RCAN3: variants seen among roughly 807,000 people sequenced by gnomAD.
The protein encoded by RCAN3 is calcipressin-3.
In RCAN3, 19 loss-of-function variants were observed where a neutral mutation model predicts 21.9. The ratio of observed to expected loss-of-function variants is 0.87; its 90% CI spans 0.61 to 1.27. The LOEUF (loss-of-function observed/expected upper bound fraction) is 1.27. Among genes scored for constraint, RCAN3 ranks in the 50% most tolerant of loss-of-function variants. RCAN3 has a pLI of 0.00. For missense variants in RCAN3, 240 were observed against 300.1 expected (o/e 0.80, Z 1.48); for synonymous variants, 114 against 112.3 (o/e 1.01, Z -0.09).
chr1:24,505,063 G>A (rs75769373), intron 1 of RCAN3, among the ~76,000 whole-genome samples: 53 of 152,122 alleles, frequency 3.5e-4, no homozygotes, highest in Admixed American at 1.3e-3. Flanking sequence ...CTTTACTGTC[G>A]CACGAAATTT....
At chr1:24,529,555 T>G (rs1649576774) in intron 2 of RCAN3, among the ~76,000 whole-genome samples, 3 of 138,388 alleles carry the variant, frequency 2.2e-5, no homozygotes, top group Admixed American at 7.0e-5. Context: ...TCTCTCTTTT[T>G]TTTTTTTTTT....
intron 1 of RCAN3, among the ~76,000 whole-genome samples, chr1:24,512,284 G>A (rs1647952997): frequency 6.6e-6 from 1 of 151,926 alleles, no homozygotes; most frequent in Non-Finnish European, 1.5e-5. Flanking sequence ...GGGAGACGAA[G>A]GTTGCAGTGA....
At chr1:24,529,262 G>T (rs1159446207) in intron 2 of RCAN3, among the ~76,000 whole-genome samples, 1 of 151,440 alleles carries the variant, frequency 6.6e-6, no homozygotes, top group South Asian at 2.1e-4. Flanking sequence ...AATAAAATTA[G>T]CCAGGTGTGG....
chr1:24,513,632 G>C (rs1241730897), intron 1 of RCAN3, among the ~76,000 whole-genome samples: 1 of 152,164 alleles, frequency 6.6e-6, no homozygotes, highest in South Asian at 2.1e-4. Flanking sequence ...ACTCCAGCCT[G>C]GGCAACACAA....
chr1:24,511,292 G>A (rs776912012), intron 1 of RCAN3, among the ~76,000 whole-genome samples: 17 of 152,054 alleles, frequency 1.1e-4, no homozygotes, highest in African/African-American at 3.1e-4. Flanking sequence ...CAGCCTGGGC[G>A]ACAAAGCAAG....
chr1:24,530,841 C>G (rs1475775045), intron 2 of RCAN3, among the ~76,000 whole-genome samples: 1 of 152,126 alleles, frequency 6.6e-6, no homozygotes, highest in East Asian at 1.9e-4. Context: ...TGAAACCCAT[C>G]TCTACTAAAA....
intron 2 of RCAN3, among the ~76,000 whole-genome samples, chr1:24,515,216 G>A (rs1003599073): frequency 2.0e-5 from 3 of 152,022 alleles, no homozygotes; most frequent in South Asian, 2.1e-4. Context: ...ATCTTTAGCC[G>A]GGCTTCCTAT....
At chr1:24,503,823 T>C (rs1057178884) in intron 1 of RCAN3, among the ~76,000 whole-genome samples, 2 of 152,256 alleles carry the variant, frequency 1.3e-5, no homozygotes, top group Non-Finnish European at 2.9e-5. Context: ...TCGCTTCCAC[T>C]TGTTGGAAGC....
chr1:24,532,999 A>G lies in RCAN3; in HGVS notation c.370-84A>G, dbSNP rs575583688. 3 of 886,122 alleles carry G rather than the reference A, an allele frequency of 3.4e-6. No individual in the cohort carries two copies. The African/African-American group carries it at 5.3e-5, about 16-fold the overall frequency. The allele number at this position is 886,122 out of a possible 1,614,324, so 54.9% of individuals were successfully genotyped here. A position where few individuals can be genotyped will look rare whatever the true frequency, so the allele number is the denominator to read the frequency against. The stretch of plus-strand genomic sequence containing the variant: ...AAGAAATGTTTAATTTTCTACAAAA[A>G]GATGGAACAGTCAACATAAAGGTGA... On this transcript the variant is annotated intron_variant, in intron 3 of 4. Coordinates refer to ENST00000374395, the MANE Select transcript of RCAN3 (RefSeq NM_013441.4).
chr1:24,508,070 C>G (rs1184350555), intron 1 of RCAN3, among the ~76,000 whole-genome samples: 1 of 152,026 alleles, frequency 6.6e-6, no homozygotes, highest in Non-Finnish European at 1.5e-5. Context: ...TGCGCCGAGA[C>G]TGCGCCACTG....
chr1:24,536,532 A>G lies in RCAN3; in HGVS notation c.*1255A>G, dbSNP rs1650238752. Reference sequence around the variant, plus strand: ...TAGACTTTGAAGTCCCTTCTGTAGAAAAGTCTCATAACTGAGAAGGCTCTG... The same window carrying G: ...TAGACTTTGAAGTCCCTTCTGTAGAGAAGTCTCATAACTGAGAAGGCTCTG... On this transcript the variant is annotated 3_prime_UTR_variant, in exon 5 of 5. Coordinates refer to ENST00000374395, the MANE Select transcript of RCAN3 (RefSeq NM_013441.4). 6.6e-6 allele frequency: 1 copy of G among 152,210 alleles called. No homozygotes were observed. The highest frequency in any genetic ancestry group is 1.5e-5 in the Non-Finnish European group (1 of 68,044). The allele number at this position is 152,210 out of a possible 1,614,324, so 9.4% of individuals were successfully genotyped here. A position where few individuals can be genotyped will look rare whatever the true frequency, so the allele number is the denominator to read the frequency against.
rs1650350075 is a variant in RCAN3 at position 24,538,571 on chromosome 1, A to AGTTTTT, written c.*3294_*3295insGTTTTT. The AGTTTTT allele has an allele frequency of 7.8e-6, 1 of 127,560 alleles. No homozygotes were observed. The highest frequency in any genetic ancestry group is 3.2e-5 in the African/African-American group (1 of 31,610). 7.9% of individuals were successfully genotyped at this position (127,560 alleles called of 1,614,324 possible). A position where few individuals can be genotyped will look rare whatever the true frequency, so the allele number is the denominator to read the frequency against. On this transcript the variant is annotated 3_prime_UTR_variant, in exon 5 of 5. Coordinates refer to ENST00000374395, the MANE Select transcript of RCAN3 (RefSeq NM_013441.4). ...AGGCGCCCGCTCCCACGCCCGGCTAATTTTTTTTTTTTTTTTTTTTATAAG... is the reference window on the plus strand; with the variant it reads ...AGGCGCCCGCTCCCACGCCCGGCTAAGTTTTTTTTTTTTTTTTTTTTTTTTTATAAG...
chr1:24,524,428 C>T (rs1204700306), intron 2 of RCAN3, among the ~76,000 whole-genome samples: 3 of 152,162 alleles, frequency 2.0e-5, no homozygotes, highest in East Asian at 3.8e-4. Flanking sequence ...TTCATATATT[C>T]TGCTCCCCTC....
At chr1:24,519,465 G>A (rs1648617724) in intron 2 of RCAN3, among the ~76,000 whole-genome samples, 1 of 152,112 alleles carries the variant, frequency 6.6e-6, no homozygotes, top group Admixed American at 6.5e-5. Flanking sequence ...TTAGGTCTTG[G>A]TGTTTGAGGG....
In RCAN3 at chr1:24,536,196, G is replaced by A. The variant is rs1053547026; in HGVS notation, c.*919G>A. The A allele has an allele frequency of 1.3e-5, 2 of 152,122 alleles. No homozygotes were observed. Among genetic ancestry groups the A allele is most frequent in the African/African-American group, 2.4e-5 (1 of 41,422 alleles). The allele number at this position is 152,122 out of a possible 1,614,324, so 9.4% of individuals were successfully genotyped here. A position where few individuals can be genotyped will look rare whatever the true frequency, so the allele number is the denominator to read the frequency against. On this transcript the variant is annotated 3_prime_UTR_variant, in exon 5 of 5. Transcript: ENST00000374395. ...TGAGTTTTTTGGCTATGATGTGTACGTTTATGTATGTCATTCATGGACTTT... is the reference window on the plus strand; with the variant it reads ...TGAGTTTTTTGGCTATGATGTGTACATTTATGTATGTCATTCATGGACTTT...
chr1:24,507,129 CTG>C, intron 1 of RCAN3, among the ~76,000 whole-genome samples: 1 of 152,304 alleles, frequency 6.6e-6, no homozygotes, highest in African/African-American at 2.4e-5. Context: ...TGTCAAAACT[CTG>C]TAACCCTACT....
Position 24,512,783 on chromosome 1 carries a change from T to A in RCAN3, c.-59-1531T>A, listed in dbSNP as rs186196863. The stretch of plus-strand genomic sequence containing the variant: ...TTCTGCCTCCGCATCTTGAAATGTG[T>A]CATGTCCAAGGCTCTCTGCTTGGTG... On this transcript the variant is annotated intron_variant, in intron 1 of 4. Transcript: ENST00000374395. 2.0e-5 allele frequency among the ~76,000 whole-genome samples: 3 copies of A among 152,322 alleles called. No individual in the cohort carries two copies. In the East Asian group the frequency reaches 5.8e-4, roughly 29 times the overall value.
intron 2 of RCAN3, among the ~76,000 whole-genome samples, chr1:24,522,426 T>G (rs1359230820): frequency 6.6e-6 from 1 of 152,196 alleles, no homozygotes; most frequent in Non-Finnish European, 1.5e-5. Flanking sequence ...AGGGTAGCCC[T>G]CAACCAGTGG....
intron 2 of RCAN3, 103 bp downstream of exon 2, chr1:24,514,670 G>A (rs913259066): frequency 1.7e-6 from 2 of 1,178,550 alleles, no homozygotes; most frequent in African/African-American, 1.5e-5. Flanking sequence ...AGTATAGAAA[G>A]TGTATGTCCA....
Sources: gnomAD v4.1 joint callset for allele counts (sites outside exome capture counted in the v4.1 genomes callset) on GRCh38, gnomAD v4.1.1 for gene constraint, MANE v1.5 for transcripts, NCBI Gene and HGNC (gene_info 2026-07-23, HGNC 2026-07-21) for gene names.